VPS35: variants seen among roughly 807,000 people sequenced by gnomAD.
The protein encoded by VPS35 is VPS35 retromer complex component.
In VPS35, 21 loss-of-function variants were observed where a neutral mutation model predicts 98.1. The ratio of observed to expected loss-of-function variants is 0.21; its 90% CI spans 0.15 to 0.31. The LOEUF is 0.31. Ranked by LOEUF, VPS35 falls within the 10% of genes least tolerant of loss-of-function variation. VPS35 has a pLI of 1.00. For missense variants in VPS35, 554 were observed against 950.8 expected (o/e 0.58, Z 5.49); for synonymous variants, 268 against 318.2 (o/e 0.84, Z 1.68).
chr16:46,687,945 T>A (rs1418814445), intron 1 of VPS35, among the ~76,000 whole-genome samples: 2 of 152,190 alleles, frequency 1.3e-5, no homozygotes, highest in Non-Finnish European at 2.9e-5. Context: ...GTGTAATACA[T>A]CCTCAATTAA....
intron 12 of VPS35, among the ~76,000 whole-genome samples, chr16:46,669,924 T>C (rs1190719767): frequency 1.3e-5 from 2 of 152,192 alleles, no homozygotes; most frequent in African/African-American, 4.8e-5. Flanking sequence ...ACAACAACTA[T>C]ATGCATATTA....
chr16:46,687,275 G>A (rs1321533668), intron 1 of VPS35, among the ~76,000 whole-genome samples: 1 of 152,102 alleles, frequency 6.6e-6, no homozygotes, highest in Non-Finnish European at 1.5e-5. Flanking sequence ...ATGATGACAT[G>A]GCATACATTG....
chr16:46,663,274 A>G, intron 13 of VPS35, 112 bp from the exon 14 acceptor site: 3 of 992,606 alleles, frequency 3.0e-6, no homozygotes, highest in Non-Finnish European at 4.5e-6. Flanking sequence ...TTTTCCTGTC[A>G]TTTTCCTTCT....
Position 46,658,126 on chromosome 16 carries a change from CA to C in VPS35, c.*2345del, listed in dbSNP as rs1320091063. 1.3e-5 allele frequency: 2 copies of C among 152,418 alleles called. No homozygotes were observed. Among genetic ancestry groups the C allele is most frequent in the African/African-American group, 2.4e-5 (1 of 41,458 alleles). The allele number at this position is 152,418 out of a possible 1,614,324, so 9.4% of individuals were successfully genotyped here. ...AGGCAGCCAAGAGTATAACTTGCTT[CA>C]GCCCATGGGTCTGAGGAGCCTGGGA... is the stretch of plus-strand genomic sequence containing the variant. On this transcript the variant is annotated 3_prime_UTR_variant, in exon 17 of 17. Transcript: ENST00000299138.
chr16:46,659,629 C>CT lies in VPS35; in HGVS notation c.*842dup, dbSNP rs1182214214. On this transcript the variant is annotated 3_prime_UTR_variant, in exon 17 of 17. Coordinates refer to ENST00000299138, the MANE Select transcript of VPS35 (RefSeq NM_018206.6). ...AAACTCTATAGCCATACTACTAGTACTTTTTATCAATTAAAGATAGTATGA... is the reference window on the plus strand; with the variant it reads ...AAACTCTATAGCCATACTACTAGTACTTTTTTATCAATTAAAGATAGTATGA... 6.6e-6 allele frequency: 1 copy of CT among 151,552 alleles called. No homozygotes were observed. Among genetic ancestry groups the CT allele is most frequent in the African/African-American group, 2.4e-5 (1 of 41,200 alleles). 9.4% of individuals were successfully genotyped at this position (151,552 alleles called of 1,614,324 possible). A position where few individuals can be genotyped will look rare whatever the true frequency, so the allele number is the denominator to read the frequency against.
rs1246109381 is a variant in VPS35, at chr16:46,662,348, G to T, written c.1962C>A (p.Ala654=). ...ENHEPLRTQC[A]LAASKLLKKP... ...TCTTTAGAAGTTTGGATGCAGCAAG[G>T]GCACACTGAGTCCTCAGAGGTTCGT... Residue 654 remains alanine (A), a synonymous_variant, in exon 15 of 17, where the codon GCC becomes GCA. Coordinates refer to ENST00000299138, the MANE Select transcript of VPS35 (RefSeq NM_018206.6). 6.2e-7 allele frequency: 1 copy of T among 1,614,118 alleles called. No homozygotes were observed. Among genetic ancestry groups the T allele is most frequent in the East Asian group, 2.2e-5 (1 of 44,886 alleles).
intron 2 of VPS35, 177 bp from the exon 3 acceptor site, chr16:46,682,352 G>A: frequency 1.7e-6 from 1 of 579,048 alleles, no homozygotes; most frequent in Non-Finnish European, 3.1e-6. Context: ...CGTCTCTACT[G>A]AAAAAGAAAA....
At chr16:46,686,490 G>T (rs1966317536) in intron 1 of VPS35, among the ~76,000 whole-genome samples, 2 of 152,102 alleles carry the variant, frequency 1.3e-5, no homozygotes, top group South Asian at 4.1e-4. Context: ...GCTTAAAATA[G>T]AAATGTAAAT....
intron 4 of VPS35, 108 bp downstream of exon 4, chr16:46,681,269 T>G (rs1160575026): frequency 6.9e-7 from 1 of 1,445,590 alleles, no homozygotes; most frequent in South Asian, 1.2e-5. Context: ...TCATCTCAAT[T>G]TGTTAAGAAG....
At chr16:46,676,429 T>C (rs1966153563) in intron 8 of VPS35, 154 bp downstream of exon 8, 2 of 653,112 alleles carry the variant, frequency 3.1e-6, no homozygotes, top group African/African-American at 3.6e-5. Context: ...AAGTACCTAG[T>C]ACTCATACTC....
At chr16:46,667,525 T>C (rs1387564681) in intron 13 of VPS35, among the ~76,000 whole-genome samples, 2 of 151,914 alleles carry the variant, frequency 1.3e-5, no homozygotes, top group Non-Finnish European at 2.9e-5. Context: ...TTTAAGCTTA[T>C]TTTAAACTTA....
intron 4 of VPS35, 91 bp from the exon 5 acceptor site, chr16:46,680,944 C>T (rs1362634441): frequency 1.3e-5 from 18 of 1,342,646 alleles, no homozygotes; most frequent in Non-Finnish European, 1.9e-5. Context: ...ATTAAATAAA[C>T]AAGACAGGAA....
intron 14 of VPS35, 63 bp downstream of exon 14, chr16:46,662,920 C>T (rs903550909): frequency 1.0e-4 from 163 of 1,593,358 alleles, no homozygotes; most frequent in Non-Finnish European, 1.3e-4. Flanking sequence ...ACCACCATGC[C>T]TGCAAACAAG....
chr16:46,686,929 T>C (rs1966326402), intron 1 of VPS35, among the ~76,000 whole-genome samples: 1 of 152,220 alleles, frequency 6.6e-6, no homozygotes, highest in Non-Finnish European at 1.5e-5. Flanking sequence ...GATCATGAAC[T>C]GATCACTTGG....
intron 1 of VPS35, among the ~76,000 whole-genome samples, chr16:46,687,065 A>C (rs1328363256): frequency 6.6e-6 from 1 of 152,222 alleles, no homozygotes; most frequent in Non-Finnish European, 1.5e-5. Flanking sequence ...CTTAGCAATA[A>C]GCACTTAATA....
intron 2 of VPS35, chr16:46,682,825 A>ACAGT (rs1966253658): frequency 6.5e-6 from 1 of 154,184 alleles, no homozygotes; most frequent in Non-Finnish European, 1.4e-5. Flanking sequence ...TTTAGAAAGC[A>ACAGT]CAGTAAGACA....
rs1338719060 is a variant in VPS35, at chr16:46,662,138, A to C, written c.2067+105T>G. The C allele has an allele frequency of 4.4e-6, 7 of 1,593,680 alleles. No individual in the cohort carries two copies. In the African/African-American group the frequency reaches 6.7e-5, roughly 15 times the overall value. Reference sequence around the variant, plus strand: ...ACAAAACAAAGCAATTTTGTTCATCAGATTTCCAAGCACCCCAAATGTTTC... The same window carrying C: ...ACAAAACAAAGCAATTTTGTTCATCCGATTTCCAAGCACCCCAAATGTTTC... On this transcript the variant is annotated intron_variant, in intron 15 of 16. Transcript: ENST00000299138.
rs550078629 is a variant in VPS35, at chr16:46,668,915, T to C, written c.1647+15A>G. 1.9e-6 allele frequency: 3 copies of C among 1,613,856 alleles called. No individual in the cohort carries two copies. In the South Asian group the frequency reaches 3.3e-5, roughly 18 times the overall value. On this transcript the variant is annotated intron_variant, in intron 13 of 16. Coordinates refer to ENST00000299138, the MANE Select transcript of VPS35 (RefSeq NM_018206.6). ...AGAGGAAAAAAAGTACCTAAATACT[T>C]AAAAGTAAACTCACCACTTTAGAAT...
intron 3 of VPS35, 47 bp downstream of exon 3, chr16:46,682,032 G>C (rs1399571916): frequency 6.7e-7 from 1 of 1,486,188 alleles, no homozygotes; most frequent in Admixed American, 1.7e-5. Context: ...GCCTTATCAA[G>C]AAAAAGGTAT....
Sources: gnomAD v4.1 joint callset for allele counts (sites outside exome capture counted in the v4.1 genomes callset) on GRCh38, gnomAD v4.1.1 for gene constraint, MANE v1.5 for transcripts, NCBI Gene and HGNC (gene_info 2026-07-23, HGNC 2026-07-21) for gene names.